The following MAP3K5 variants were observed in gnomAD, a reference collection of about 807,000 sequenced individuals.
MAP3K5 encodes ASK-1.
Under a neutral mutation model 158.7 loss-of-function variants are expected in MAP3K5, and 56 were observed. That is an observed-to-expected ratio of 0.35 (90% CI 0.28 to 0.44). MAP3K5 has a LOEUF of 0.44. MAP3K5 is among the 20% of genes least tolerant of loss of function. The pLI is 1.00. For synonymous variants in MAP3K5, 579 were observed against 601.7 expected (o/e 0.96, Z 0.55); for missense variants, 1,294 against 1,674.8 (o/e 0.77, Z 3.97).
intron 1 of MAP3K5, among the ~76,000 whole-genome samples, chr6:136,768,937 A>C (rs1784068452): frequency 1.3e-5 from 2 of 152,070 alleles, no homozygotes; most frequent in Admixed American, 1.3e-4. Flanking sequence ...AAAGAAAGAA[A>C]ATGGCTTGGT....
chr6:136,574,751 C>G (rs751138926), intron 25 of MAP3K5, among the ~76,000 whole-genome samples: 5 of 140,888 alleles, frequency 3.5e-5, no homozygotes, highest in South Asian at 2.3e-4. Context: ...TGCAGTGGCA[C>G]GATCTCGGCT....
rs1778752604 is a variant in MAP3K5, at chr6:136,656,464, A to G, written c.1527-4T>C. 2 of 1,549,606 alleles carry G rather than the reference A, an allele frequency of 1.3e-6. No homozygotes were observed. Among genetic ancestry groups the G allele is most frequent in the Non-Finnish European group, 1.7e-6 (2 of 1,146,870 alleles). On this transcript the variant is annotated splice_region_variant and splice_polypyrimidine_tract_variant and intron_variant, in intron 9 of 29. Transcript: ENST00000359015. Reference sequence around the variant, plus strand: ...CTCTACAATAGACTTGAGGTACCTGAGAAGGAAAAGATATAAAACATGTAA... The same window carrying G: ...CTCTACAATAGACTTGAGGTACCTGGGAAGGAAAAGATATAAAACATGTAA...
Position 136,592,429 on chromosome 6 carries a change from G to A in MAP3K5, c.3056+8C>T, listed in dbSNP as rs756571595. The A allele has an allele frequency of 3.7e-6, 6 of 1,613,458 alleles. No homozygotes were observed. In the Admixed American group the frequency reaches 5.0e-5, roughly 13 times the overall value. ...ACTTCTCTCACCCCAAGTAAGTCAG[G>A]TCTTTACCCCAAAAAGAGTGTCCGA... On this transcript the variant is annotated splice_region_variant and intron_variant, in intron 22 of 29. Coordinates refer to ENST00000359015, the MANE Select transcript of MAP3K5 (RefSeq NM_005923.4).
chr6:136,744,505 T>C (rs1406739971), intron 1 of MAP3K5, among the ~76,000 whole-genome samples: 1 of 152,020 alleles, frequency 6.6e-6, no homozygotes, highest in Non-Finnish European at 1.5e-5. Flanking sequence ...CCCACAGATA[T>C]CTTGAGATTG....
intron 21 of MAP3K5, among the ~76,000 whole-genome samples, chr6:136,595,416 T>G (rs997937850): frequency 6.6e-6 from 1 of 152,184 alleles, no homozygotes; most frequent in Non-Finnish European, 1.5e-5. Context: ...TGCTTGATTT[T>G]AAATGAGTGA....
intron 8 of MAP3K5, among the ~76,000 whole-genome samples, chr6:136,664,646 C>T (rs1318165271): frequency 1.3e-5 from 2 of 152,160 alleles, no homozygotes; most frequent in Admixed American, 1.3e-4. Flanking sequence ...TTTTTGGTGA[C>T]AATATTTCAC....
At chr6:136,718,792 T>C (rs1781631379) in intron 2 of MAP3K5, among the ~76,000 whole-genome samples, 1 of 152,110 alleles carries the variant, frequency 6.6e-6, no homozygotes, top group African/African-American at 2.4e-5. Context: ...GGCACAAAAT[T>C]AAACCACCAG....
chr6:136,562,272 C>T (rs1272338217), intron 27 of MAP3K5, among the ~76,000 whole-genome samples: 1 of 151,984 alleles, frequency 6.6e-6, no homozygotes, highest in African/African-American at 2.4e-5. Context: ...CTCAGTAATA[C>T]ATAATCTCAG....
intron 29 of MAP3K5, among the ~76,000 whole-genome samples, chr6:136,558,251 C>T (rs955675698): frequency 1.3e-5 from 2 of 152,060 alleles, no homozygotes; most frequent in East Asian, 1.9e-4. Context: ...TGGTGGTGGG[C>T]GCCTATAGTC....
intron 1 of MAP3K5, among the ~76,000 whole-genome samples, chr6:136,771,095 G>C (rs183523799): frequency 2.0e-4 from 30 of 152,146 alleles, no homozygotes; most frequent in African/African-American, 7.0e-4. Flanking sequence ...CAGCCAGCAG[G>C]TATGGAGAGT....
intron 2 of MAP3K5, among the ~76,000 whole-genome samples, chr6:136,718,926 A>G (rs1232196099): frequency 1.3e-5 from 2 of 152,186 alleles, no homozygotes; most frequent in African/African-American, 4.8e-5. Context: ...CTATAATCCC[A>G]ACCCTTTGGG....
intron 25 of MAP3K5, among the ~76,000 whole-genome samples, chr6:136,568,139 T>G (rs1034619030): frequency 6.6e-6 from 1 of 152,166 alleles, no homozygotes; most frequent in African/African-American, 2.4e-5. Flanking sequence ...GATCAATACA[T>G]AGTCACATTG....
chr6:136,755,077 G>C (rs75698895), intron 1 of MAP3K5, among the ~76,000 whole-genome samples: 2 of 151,674 alleles, frequency 1.3e-5, no homozygotes, highest in African/African-American at 4.8e-5. Flanking sequence ...CACTCCATTC[G>C]CAACACAAAA....
chr6:136,630,738 C>T (rs1777309114), intron 14 of MAP3K5, among the ~76,000 whole-genome samples: 1 of 152,206 alleles, frequency 6.6e-6, no homozygotes, highest in Non-Finnish European at 1.5e-5. Flanking sequence ...AGTCTTAACC[C>T]TCTTTCTTAC....
chr6:136,755,666 G>A (rs1047756883), intron 1 of MAP3K5, among the ~76,000 whole-genome samples: 3 of 148,470 alleles, frequency 2.0e-5, no homozygotes, highest in Non-Finnish European at 3.0e-5. Flanking sequence ...TCCAGCCTGG[G>A]TGACAGAGCA....
At chr6:136,580,223 A>G (rs1174396847) in intron 25 of MAP3K5, 78 bp downstream of exon 25, 2 of 942,616 alleles carry the variant, frequency 2.1e-6, no homozygotes, top group African/African-American at 3.2e-5. Context: ...TACTAAGGTG[A>G]TATCAGAAAT....
At chr6:136,592,030 C>CT in intron 23 of MAP3K5, 143 bp downstream of exon 23, 1 of 621,976 alleles carries the variant, frequency 1.6e-6, no homozygotes, top group Non-Finnish European at 2.6e-6. Flanking sequence ...GGTTTGCCTT[C>CT]TTTTTTCCTG....
At chr6:136,563,795 T>C (rs1221521374) in intron 26 of MAP3K5, among the ~76,000 whole-genome samples, 1 of 152,234 alleles carries the variant, frequency 6.6e-6, no homozygotes, top group East Asian at 1.9e-4. Context: ...TCAGAAATAA[T>C]AATTTAAAAT....
At chr6:136,635,566 T>C (rs765711499) in intron 14 of MAP3K5, among the ~76,000 whole-genome samples, 6 of 151,962 alleles carry the variant, frequency 3.9e-5, no homozygotes, top group Non-Finnish European at 8.8e-5. Flanking sequence ...TAGATAATCA[T>C]AGAACTTAAC....
Sources: gnomAD v4.1 joint callset for allele counts (sites outside exome capture counted in the v4.1 genomes callset) on GRCh38, gnomAD v4.1.1 for gene constraint, MANE v1.5 for transcripts, NCBI Gene and HGNC (gene_info 2026-07-23, HGNC 2026-07-21) for gene names.